The following KCNAB1 variants were observed in gnomAD, a reference collection of about 807,000 sequenced individuals.
The protein encoded by KCNAB1 is potassium voltage-gated channel subfamily A regulatory beta subunit 1, also known as voltage-gated potassium channel subunit beta-1.
In KCNAB1, 35 loss-of-function variants were observed where a neutral mutation model predicts 64.6. That is an observed-to-expected ratio of 0.54 (90% confidence interval 0.41 to 0.72). The LOEUF is 0.72. Among genes scored for constraint, KCNAB1 ranks in the 30% least tolerant of loss-of-function variants. The probability of loss-of-function intolerance (pLI) is 0.00; values close to 1 mark genes in which losing one functional copy is unlikely to be tolerated. For missense variants in KCNAB1, 401 were observed against 512.9 expected, an observed-to-expected ratio of 0.78 and a Z score of 2.11; for synonymous variants, 177 against 183.8, an observed-to-expected ratio of 0.96 and a Z score of 0.30.
At chr3:156,358,382 G>C (rs1308743019) in intron 1 of KCNAB1, among the ~76,000 whole-genome samples, 1 of 152,146 alleles carries the variant, frequency 6.6e-6, no homozygotes, top group Non-Finnish European at 1.5e-5. Flanking sequence ...AAGGGGAAGG[G>C]AGGAATTGTG....
intron 1 of KCNAB1, among the ~76,000 whole-genome samples, chr3:156,299,632 C>T (rs1389589215): frequency 2.0e-5 from 3 of 152,108 alleles, no homozygotes; most frequent in South Asian, 4.1e-4. Flanking sequence ...TCCTGAAAGT[C>T]GAAATCAAAC....
intron 1 of KCNAB1, among the ~76,000 whole-genome samples, chr3:156,136,916 A>C (rs1429474831): frequency 6.6e-6 from 1 of 152,256 alleles, no homozygotes; most frequent in Non-Finnish European, 1.5e-5. Flanking sequence ...TGTGGGACCA[A>C]TGCAGAATAG....
At chr3:156,394,597 A>G (rs894982073) in intron 1 of KCNAB1, among the ~76,000 whole-genome samples, 195 of 152,286 alleles carry the variant, frequency 1.3e-3, no homozygotes, top group African/African-American at 4.3e-3. Flanking sequence ...ATAAAAGAAA[A>G]AAAAAAGAAT....
At chr3:156,396,440 C>T (rs146203867) in intron 1 of KCNAB1, among the ~76,000 whole-genome samples, 117 of 152,308 alleles carry the variant, frequency 7.7e-4, no homozygotes, top group African/African-American at 2.5e-3. Flanking sequence ...TCAATCAGTA[C>T]GAGTCATTTC....
rs1714795838 is a variant in KCNAB1 at position 156,143,059 on chromosome 3, A to AGTT, written c.275+22173_275+22174insGTT. ...ATGATAAGAGAGATCTAAAGAAAAC[A>AGTT]AGCTAAACCTTTTGAGGGACATACT... On this transcript the variant is annotated intron_variant, in intron 1 of 13. Transcript: ENST00000490337. 4 of 1,409,840 alleles carry AGTT rather than the reference A, an allele frequency of 2.8e-6. No homozygotes were observed. The South Asian group carries it at 7.5e-5, about 27-fold the overall frequency. 87.3% of individuals were successfully genotyped at this position (1,409,840 alleles called of 1,614,324 possible).
chr3:156,315,523 G>C (rs1027902803), intron 1 of KCNAB1, among the ~76,000 whole-genome samples: 1 of 152,102 alleles, frequency 6.6e-6, no homozygotes, highest in Non-Finnish European at 1.5e-5. Flanking sequence ...CTGTGTCCTG[G>C]AATATTATCA....
At chr3:156,319,042 G>T (rs1474703695) in intron 1 of KCNAB1, among the ~76,000 whole-genome samples, 1 of 152,088 alleles carries the variant, frequency 6.6e-6, no homozygotes, top group Non-Finnish European at 1.5e-5. Flanking sequence ...AAAAGCAAAA[G>T]ATTAATAAAT....
At chr3:156,480,473 C>T (rs532229568) in intron 8 of KCNAB1, among the ~76,000 whole-genome samples, 64 of 151,770 alleles carry the variant, frequency 4.2e-4, no homozygotes, top group African/African-American at 1.4e-3. Flanking sequence ...TGCAGCCAAC[C>T]ACCATGGCAC....
chr3:156,255,864 G>T (rs1237321848), intron 1 of KCNAB1, among the ~76,000 whole-genome samples: 3 of 152,176 alleles, frequency 2.0e-5, no homozygotes, highest in African/African-American at 7.2e-5. Flanking sequence ...GCCCTATATT[G>T]TGGTTAGCTG....
intron 1 of KCNAB1, among the ~76,000 whole-genome samples, chr3:156,382,448 C>T (rs951031696): frequency 3.9e-5 from 6 of 152,156 alleles, no homozygotes; most frequent in African/African-American, 1.4e-4. Context: ...CACCATTGCA[C>T]TCCAGCCTGG....
chr3:156,281,043 A>C (rs1026576050), intron 1 of KCNAB1, among the ~76,000 whole-genome samples: 36 of 149,818 alleles, frequency 2.4e-4, no homozygotes, highest in Admixed American at 4.7e-4. Flanking sequence ...GTCTTGTGCC[A>C]GTTTTCAAAG....
At chr3:156,296,664 G>A (rs1378436767) in intron 1 of KCNAB1, among the ~76,000 whole-genome samples, 1 of 151,880 alleles carries the variant, frequency 6.6e-6, no homozygotes, top group African/African-American at 2.4e-5. Context: ...TAGTAGAGAT[G>A]GGGTTTCACC....
intron 3 of KCNAB1, among the ~76,000 whole-genome samples, chr3:156,454,841 C>G (rs962338017): frequency 9.9e-5 from 15 of 152,144 alleles, no homozygotes; most frequent in Non-Finnish European, 2.9e-5. Flanking sequence ...ATTATTTCCC[C>G]CTAGTCTTCA....
At chr3:156,121,399 GC>G in intron 1 of KCNAB1, among the ~76,000 whole-genome samples, 1 of 152,236 alleles carries the variant, frequency 6.6e-6, no homozygotes, top group East Asian at 1.9e-4. Flanking sequence ...AGGGATCTGA[GC>G]CCCGTGTCTA....
At chr3:156,203,145 A>G (rs1714449423) in intron 1 of KCNAB1, among the ~76,000 whole-genome samples, 1 of 152,230 alleles carries the variant, frequency 6.6e-6, no homozygotes, top group Non-Finnish European at 1.5e-5. Context: ...ATTTGCTTTT[A>G]CAAATAAAAT....
intron 1 of KCNAB1, among the ~76,000 whole-genome samples, chr3:156,239,248 T>A (rs980256338): frequency 1.1e-4 from 16 of 152,260 alleles, no homozygotes; most frequent in African/African-American, 3.6e-4. Flanking sequence ...TGCTTCTTTC[T>A]TGGGTATTTT....
intron 1 of KCNAB1, among the ~76,000 whole-genome samples, chr3:156,219,145 A>G (rs1022263140): frequency 2.0e-5 from 3 of 152,168 alleles, no homozygotes; most frequent in African/African-American, 7.2e-5. Flanking sequence ...CAGAAGGTCA[A>G]TTATTAGGCT....
intron 8 of KCNAB1, among the ~76,000 whole-genome samples, chr3:156,513,379 A>G (rs376870951): frequency 2.6e-5 from 4 of 152,142 alleles, no homozygotes; most frequent in African/African-American, 7.2e-5. Context: ...CTGCAACTCT[A>G]CTTTGAGACA....
chr3:156,217,853 C>T (rs999140581), intron 1 of KCNAB1: 3 of 152,210 alleles, frequency 2.0e-5, no homozygotes, highest in Non-Finnish European at 4.4e-5. Context: ...TGAAAATCTC[C>T]AGTCTAGGGA....
Sources: gnomAD v4.1 joint callset for allele counts (sites outside exome capture counted in the v4.1 genomes callset) on GRCh38, gnomAD v4.1.1 for gene constraint, MANE v1.5 for transcripts, NCBI Gene and HGNC (gene_info 2026-07-23, HGNC 2026-07-21) for gene names.